Variants in CDH2 observed in about 807,000 individuals in gnomAD.
CDH2 encodes cadherin-2.
In CDH2, 17 loss-of-function variants were observed where a neutral mutation model predicts 92.0. The observed-to-expected ratio is 0.18, with a 90% CI of 0.13 to 0.28. The LOEUF (loss-of-function observed/expected upper bound fraction) is 0.28. Among genes scored for constraint, CDH2 ranks in the 10% least tolerant of loss-of-function variants. The probability of loss-of-function intolerance (pLI) is 1.00; values close to 1 mark genes in which losing one functional copy is unlikely to be tolerated. For missense variants in CDH2, 862 were observed against 1,133.1 expected (o/e 0.76, Z 3.44); for synonymous variants, 419 against 415.9 (o/e 1.01, Z -0.09).
chr18:28,087,288 G>T (rs1192758535), intron 2 of CDH2, among the ~76,000 whole-genome samples: 2 of 152,124 alleles, frequency 1.3e-5, no homozygotes, highest in Non-Finnish European at 2.9e-5. Context: ...AGCATAAAGC[G>T]GTTCTCCCCA....
At chr18:28,050,783 T>C (rs1299149379) in intron 2 of CDH2, among the ~76,000 whole-genome samples, 1 of 152,192 alleles carries the variant, frequency 6.6e-6, no homozygotes, top group African/African-American at 2.4e-5. Flanking sequence ...CCTCTGGGGA[T>C]GCCTGAAAGC....
intron 2 of CDH2, among the ~76,000 whole-genome samples, chr18:28,144,844 T>C (rs986327846): frequency 1.3e-5 from 2 of 152,160 alleles, no homozygotes; most frequent in East Asian, 1.9e-4. Context: ...GGTTAAAAAC[T>C]AGAAGATAAA....
intron 2 of CDH2, among the ~76,000 whole-genome samples, chr18:28,035,090 T>C (rs762441236): frequency 6.6e-5 from 10 of 152,082 alleles, no homozygotes; most frequent in Non-Finnish European, 1.3e-4. Flanking sequence ...AAAGATTAAC[T>C]GAAGACCTAC....
At chr18:28,121,183 A>T (rs762059200) in intron 2 of CDH2, among the ~76,000 whole-genome samples, 1 of 152,172 alleles carries the variant, frequency 6.6e-6, no homozygotes, top group Non-Finnish European at 1.5e-5. Flanking sequence ...TTTAGGGTCA[A>T]TAGAAAACAC....
intron 2 of CDH2, among the ~76,000 whole-genome samples, chr18:28,131,884 AT>A (rs1175115797): frequency 6.6e-6 from 1 of 151,976 alleles, no homozygotes; most frequent in African/African-American, 2.4e-5. Context: ...TTATTTTCTT[AT>A]TTCTCAATAA....
At chr18:28,059,614 C>G (rs2014361184) in intron 2 of CDH2, among the ~76,000 whole-genome samples, 1 of 152,196 alleles carries the variant, frequency 6.6e-6, no homozygotes, top group South Asian at 2.1e-4. Context: ...TTCTCCGAAC[C>G]TGTTCTGGTT....
At chr18:28,101,244 GTATCTTA>G (rs2015221312) in intron 2 of CDH2, among the ~76,000 whole-genome samples, 1 of 152,036 alleles carries the variant, frequency 6.6e-6, no homozygotes, top group African/African-American at 2.4e-5. Flanking sequence ...AGTATTTTAT[GTATCTTA>G]ACTTTTGTTC....
intron 6 of CDH2, among the ~76,000 whole-genome samples, chr18:28,004,761 A>G (rs1392068409): frequency 1.3e-5 from 2 of 152,140 alleles, no homozygotes; most frequent in Non-Finnish European, 2.9e-5. Context: ...GAAGAAAGCT[A>G]CTCTGACGAT....
At chr18:27,982,905 T>A in intron 14 of CDH2, 39 bp downstream of exon 14, 1 of 1,411,502 alleles carries the variant, frequency 7.1e-7, no homozygotes, top group African/African-American at 1.4e-5. Flanking sequence ...ATTTATACGA[T>A]CATAAAATTT....
chr18:27,979,650 C>T (rs147687557), intron 14 of CDH2, among the ~76,000 whole-genome samples: 36 of 152,278 alleles, frequency 2.4e-4, no homozygotes, highest in East Asian at 1.9e-3. Flanking sequence ...CAAAAATGAA[C>T]GACTTCTACA....
At chr18:28,108,036 C>T (rs1234437255) in intron 2 of CDH2, among the ~76,000 whole-genome samples, 1 of 152,102 alleles carries the variant, frequency 6.6e-6, no homozygotes, top group Admixed American at 6.6e-5. Flanking sequence ...AATTATCTGG[C>T]GAACAGTTTC....
At chr18:27,938,778 C>G (rs568566214) in intron 6 of CDH2, among the ~76,000 whole-genome samples, 1 of 152,078 alleles carries the variant, frequency 6.6e-6, no homozygotes, top group Non-Finnish European at 1.5e-5. Context: ...CGCTTAATTT[C>G]TGTGTGTGTA....
At chr18:28,174,799 T>C (rs1282616107) in intron 1 of CDH2, among the ~76,000 whole-genome samples, 1 of 152,208 alleles carries the variant, frequency 6.6e-6, no homozygotes, top group African/African-American at 2.4e-5. Context: ...CGCTGCACAG[T>C]ATTCAATTAA....
At chr18:27,965,871 A>C (rs1032666734) in intron 14 of CDH2, among the ~76,000 whole-genome samples, 3 of 151,190 alleles carry the variant, frequency 2.0e-5, no homozygotes, top group Admixed American at 2.0e-4. Flanking sequence ...GTAGTCCCAG[A>C]TATTTATTTG....
intron 2 of CDH2, among the ~76,000 whole-genome samples, chr18:28,028,447 C>A (rs1440695204): frequency 4.6e-5 from 7 of 152,078 alleles, no homozygotes; most frequent in Non-Finnish European, 1.0e-4. Flanking sequence ...AACTACTAAA[C>A]CCCAAATCAT....
intron 1 of CDH2, 99 bp downstream of exon 1, chr18:28,176,864 G>A (rs2016552555): frequency 1.8e-6 from 1 of 566,228 alleles, no homozygotes; most frequent in Non-Finnish European, 2.3e-6. Flanking sequence ...TCCCTTCCCG[G>A]GTGCGCAGCC....
chr18:28,034,079 G>GA (rs138948498), intron 2 of CDH2, among the ~76,000 whole-genome samples: 1 of 151,494 alleles, frequency 6.6e-6, no homozygotes, highest in Admixed American at 6.6e-5. Flanking sequence ...CTGGTTTGGT[G>GA]AAAAAAAATA....
At chr18:28,175,967 G>C (rs1212981764) in intron 1 of CDH2, among the ~76,000 whole-genome samples, 2 of 152,212 alleles carry the variant, frequency 1.3e-5, no homozygotes, top group Non-Finnish European at 2.9e-5. Flanking sequence ...TCCAGGCCTG[G>C]GCTGGCTGGT....
At chr18:28,075,282 T>C (rs1217714663) in intron 2 of CDH2, among the ~76,000 whole-genome samples, 1 of 152,106 alleles carries the variant, frequency 6.6e-6, no homozygotes, top group Non-Finnish European at 1.5e-5. Flanking sequence ...GCATACAATA[T>C]GAGTGCACAG....
Sources: allele counts gnomAD v4.1 joint callset (sites outside exome capture counted in the v4.1 genomes callset), GRCh38; gene constraint gnomAD v4.1.1; transcripts MANE v1.5; gene names NCBI Gene and HGNC (gene_info 2026-07-23, HGNC 2026-07-21).